NUP98: variants seen among roughly 807,000 people sequenced by gnomAD.
NUP98 encodes nuclear pore complex protein Nup98-Nup96.
NUP98 carries 26 observed loss-of-function variants against 191.9 expected under a neutral mutation model. The ratio of observed to expected loss-of-function variants is 0.14; its 90% CI spans 0.10 to 0.19. NUP98 has a LOEUF of 0.19. Ranked by LOEUF, NUP98 falls within the 10% of genes least tolerant of loss-of-function variation. The pLI, the probability that NUP98 is intolerant of heterozygous loss-of-function variation, is 1.00. For missense variants in NUP98, 1,941 were observed against 2,178.8 expected (o/e 0.89, Z 2.17); for synonymous variants, 808 against 778.4 (o/e 1.04, Z -0.63).
chr11:3,703,967 C>T (rs2078786085), intron 22 of NUP98, among the ~76,000 whole-genome samples: 2 of 152,172 alleles, frequency 1.3e-5, no homozygotes, highest in African/African-American at 2.4e-5. Context: ...TGATTATAGG[C>T]ATGAGCCACT....
At chr11:3,753,204 G>C (rs1018629749) in intron 11 of NUP98, 112 bp downstream of exon 11, 2 of 917,336 alleles carry the variant, frequency 2.2e-6, no homozygotes, top group Non-Finnish European at 3.4e-6. Flanking sequence ...CTGGAAAAAC[G>C]AAAAGGTAGA....
At chr11:3,712,360 A>G in intron 20 of NUP98, 4 of 1,380,946 alleles carry the variant, frequency 2.9e-6, no homozygotes, top group Non-Finnish European at 3.7e-6. Flanking sequence ...CCAAACAGCA[A>G]GAGAATTCTT....
chr11:3,795,295 T>A (rs745451197), intron 1 of NUP98, among the ~76,000 whole-genome samples: 22 of 151,780 alleles, frequency 1.4e-4, no homozygotes, highest in Non-Finnish European at 2.9e-4. Flanking sequence ...TACAAAAAAA[T>A]ATTAGCTGGG....
chr11:3,794,057 A>G (rs2082445991), intron 1 of NUP98, among the ~76,000 whole-genome samples: 1 of 152,208 alleles, frequency 6.6e-6, no homozygotes, highest in Non-Finnish European at 1.5e-5. Context: ...ATTTCTTCAG[A>G]CATTCCTGAT....
intron 8 of NUP98, 113 bp from the exon 9 acceptor site, chr11:3,763,152 G>T: frequency 1.1e-6 from 1 of 908,728 alleles, no homozygotes; most frequent in Non-Finnish European, 1.7e-6. Flanking sequence ...CAGATATTAG[G>T]CTAAATAACT....
intron 16 of NUP98, 64 bp downstream of exon 16, chr11:3,723,093 T>C: frequency 2.0e-6 from 3 of 1,482,836 alleles, no homozygotes; most frequent in Non-Finnish European, 2.8e-6. Flanking sequence ...GTTGAATATC[T>C]GCAACAAGCA....
At position 3,712,610 on chromosome 11, in the gene NUP98, G is replaced by A. The variant is rs149360555; in HGVS notation, c.2696C>T (p.Thr899Met). The change falls in exon 20 of 33, where the codon ACG (threonine) becomes ATG (methionine). Residue 899 changes from threonine to methionine, a missense_variant. Thr to Met is a moderately conservative substitution (Grantham distance 81). Around this residue, in one of 6 missense-constraint regions of NUP98, gnomAD observed 1,030 missense variants for 1,115.8 expected, o/e 0.92. Coordinates refer to ENST00000324932, the MANE Select transcript of NUP98 (RefSeq NM_016320.5). ...TAPLPPASQT[T>M]PLQMALNGKP... ...GCCATTAAGAGCCATCTGCAAGGGC[G>A]TAGTCTGGCTTGCAGGAGGCAAAGG... The A allele has an allele frequency of 1.4e-3, 2,335 of 1,614,070 alleles. 10 individuals carry two copies. Among genetic ancestry groups the A allele is most frequent in the South Asian group, 2.6e-3 (239 of 91,086 alleles).
chr11:3,797,035 T>G (rs2082663169), intron 1 of NUP98, among the ~76,000 whole-genome samples: 4 of 152,220 alleles, frequency 2.6e-5, no homozygotes, highest in African/African-American at 9.6e-5. Context: ...GTCAAGGAAG[T>G]GCGGGGCAGA....
chr11:3,769,483 G>A (rs1217445687), intron 7 of NUP98, among the ~76,000 whole-genome samples: 2 of 150,726 alleles, frequency 1.3e-5, no homozygotes, highest in Non-Finnish European at 2.9e-5. Flanking sequence ...CAGAATGGTG[G>A]GAATATTACT....
intron 13 of NUP98, 111 bp from the exon 14 acceptor site, chr11:3,731,689 G>T: frequency 1.5e-6 from 1 of 676,886 alleles, no homozygotes. Context: ...TCACCTGCTA[G>T]ATACCTGTTG....
chr11:3,780,445 G>A (rs1365270379), intron 2 of NUP98, among the ~76,000 whole-genome samples: 1 of 149,904 alleles, frequency 6.7e-6, no homozygotes, highest in African/African-American at 2.5e-5. Context: ...GGGAGGCTGA[G>A]GCAGGAGAAT....
chr11:3,679,369 AT>A (rs1316811375), intron 31 of NUP98, 184 bp downstream of exon 31: 1 of 742,390 alleles, frequency 1.3e-6, no homozygotes, highest in Non-Finnish European at 2.4e-6. Flanking sequence ...ATAAAATAGC[AT>A]TTTTAAGTTT....
intron 10 of NUP98, among the ~76,000 whole-genome samples, chr11:3,754,631 A>G (rs557691591): frequency 3.3e-5 from 5 of 152,032 alleles, no homozygotes; most frequent in East Asian, 3.9e-4. Flanking sequence ...ACAAAATCCT[A>G]TAATTTCCCT....
At chr11:3,797,148 G>A (rs1205063362) in intron 1 of NUP98, among the ~76,000 whole-genome samples, 2 of 152,230 alleles carry the variant, frequency 1.3e-5, no homozygotes, top group African/African-American at 2.4e-5. Flanking sequence ...ACCCACTCGC[G>A]TGGGCAGCAA....
At chr11:3,772,778 C>T (rs953987081) in intron 6 of NUP98, among the ~76,000 whole-genome samples, 3 of 150,210 alleles carry the variant, frequency 2.0e-5, no homozygotes, top group Admixed American at 2.0e-4. Flanking sequence ...CACGCCACTG[C>T]ACTCCAGCCT....
intron 29 of NUP98, among the ~76,000 whole-genome samples, chr11:3,685,644 T>C (rs2078112515): frequency 6.6e-6 from 1 of 152,236 alleles, no homozygotes; most frequent in Admixed American, 6.5e-5. Flanking sequence ...CCTATTCCAA[T>C]TTTACAGGTT....
intron 26 of NUP98, among the ~76,000 whole-genome samples, chr11:3,693,755 T>A (rs2078399096): frequency 6.6e-6 from 1 of 152,206 alleles, no homozygotes. Flanking sequence ...CAGAGAGATC[T>A]TCTCACTGTC....
Position 3,695,605 on chromosome 11 carries a change from C to T in NUP98, c.4011G>A (p.Gly1337=), listed in dbSNP as rs149302443. 7.2e-4 allele frequency: 1,125 copies of T among 1,572,484 alleles called. 12 individuals carry two copies. In the African/African-American group the frequency reaches 0.013, roughly 18 times the overall value. ...SEACSLAQQS[G]DHRLALLLSQ... ...ATAAAAGAAGAGCAAGACGATGATC[C>T]CCTATAAGAGAAATGGAAGTTTTTT... Residue 1337 remains glycine (G), a splice_region_variant and synonymous_variant, in exon 26 of 33, where the codon GGG becomes GGA. Coordinates refer to ENST00000324932, the MANE Select transcript of NUP98 (RefSeq NM_016320.5).
chr11:3,688,883 A>T (rs2078217510), intron 28 of NUP98, among the ~76,000 whole-genome samples: 1 of 147,852 alleles, frequency 6.8e-6, no homozygotes, highest in Admixed American at 6.8e-5. Context: ...GAGATGAGCT[A>T]TTTGTGTGAC....
Sources: gnomAD v4.1 joint callset for allele counts (sites outside exome capture counted in the v4.1 genomes callset) on GRCh38, gnomAD v4.1.1 for gene constraint, gnomAD v4.1.1 regional missense constraint, MANE v1.5 for transcripts, NCBI Gene and HGNC (gene_info 2026-07-23, HGNC 2026-07-21) for gene names.